Variants in FAM234B observed in about 807,000 individuals in gnomAD.
FAM234B encodes the protein family with sequence similarity 234 member B, also known as protein FAM234B.
Under a neutral mutation model 69.3 loss-of-function variants are expected in FAM234B, and 33 were observed. That is an observed-to-expected ratio of 0.48 (90% confidence interval 0.36 to 0.64). FAM234B has a LOEUF of 0.64. FAM234B is among the 30% of genes least tolerant of loss of function. FAM234B has a pLI of 0.00. For missense variants in FAM234B, 697 were observed against 769.7 expected (o/e 0.91, Z 1.12); for synonymous variants, 306 against 306.9 (o/e 1.00, Z 0.03).
At chr12:13,076,548 T>C (rs1865162410) in intron 11 of FAM234B, among the ~76,000 whole-genome samples, 1 of 152,178 alleles carries the variant, frequency 6.6e-6, no homozygotes, top group South Asian at 2.1e-4. Context: ...AAGGACATGA[T>C]GGAGATAGAA....
At chr12:13,077,919 C>T (rs910991459) in intron 11 of FAM234B, among the ~76,000 whole-genome samples, 11 of 152,138 alleles carry the variant, frequency 7.2e-5, no homozygotes, top group African/African-American at 2.7e-4. Flanking sequence ...TCCACATCCT[C>T]TCCAGCACCT....
rs762750501 is a variant in FAM234B, at chr12:13,055,747, C to T, written c.234C>T (p.Thr78=). 1.9e-6 allele frequency: 3 copies of T among 1,614,062 alleles called. No individual in the cohort carries two copies. The highest frequency in any genetic ancestry group is 2.7e-5 in the African/African-American group (2 of 74,942). The change falls in exon 2 of 13, where the codon ACC becomes ACT. Residue 78 remains threonine, a synonymous_variant. Coordinates refer to ENST00000197268, the MANE Select transcript of FAM234B (RefSeq NM_020853.2). ...EAAKPHLSEV[T]TEGYPSEPLG... is the part of the protein sequence containing the mutation. ...CAAAGCCACATCTTTCAGAAGTCAC[C>T]ACGGAGGGCTACCCCTCAGAACCCC...
At chr12:13,078,240 G>GT (rs1865183924) in intron 11 of FAM234B, among the ~76,000 whole-genome samples, 1 of 151,924 alleles carries the variant, frequency 6.6e-6, no homozygotes, top group Non-Finnish European at 1.5e-5. Flanking sequence ...TCTGATGGTA[G>GT]TTTCTTTTGC....
intron 11 of FAM234B, among the ~76,000 whole-genome samples, chr12:13,077,517 C>A (rs545408504): frequency 8.1e-5 from 12 of 148,302 alleles, no homozygotes; most frequent in Non-Finnish European, 1.6e-4. Flanking sequence ...TGAGAACATG[C>A]GGTGTTTGGT....
chr12:13,064,883 A>G (rs1865021356), intron 5 of FAM234B, among the ~76,000 whole-genome samples: 2 of 152,322 alleles, frequency 1.3e-5, no homozygotes, highest in South Asian at 2.1e-4. Context: ...ATCTGGGTTT[A>G]GAGTGAAGTG....
intron 1 of FAM234B, among the ~76,000 whole-genome samples, chr12:13,050,766 G>A (rs1056952199): frequency 2.0e-5 from 3 of 152,016 alleles, no homozygotes; most frequent in African/African-American, 7.3e-5. Context: ...ATTGATGTGA[G>A]GATTAAATGA....
At position 13,067,089 on chromosome 12, in the gene FAM234B, A is replaced by C; in HGVS notation, c.1001-66A>C. On this transcript the variant is annotated intron_variant, in intron 6 of 12. Coordinates refer to ENST00000197268, the MANE Select transcript of FAM234B (RefSeq NM_020853.2). The surrounding 1 kb of genome is among the most constrained non-coding windows in gnomAD (Gnocchi z 4.7). ...TGGTCAGGCTCTGTGTCTCTTGCTC[A>C]GATCCTCACCATGGGACAGTTCTGT... 6.3e-7 allele frequency: 1 copy of C among 1,588,192 alleles called. No individual in the cohort carries two copies. Among genetic ancestry groups the C allele is most frequent in the Non-Finnish European group, 8.6e-7 (1 of 1,159,934 alleles).
chr12:13,044,915 C>A lies in FAM234B; in HGVS notation c.37+475C>A, dbSNP rs867267415. 6.6e-5 allele frequency among the ~76,000 whole-genome samples: 10 copies of A among 152,192 alleles called. No homozygotes were observed. The South Asian group carries it at 1.5e-3, about 22-fold the overall frequency. On this transcript the variant is annotated intron_variant, in intron 1 of 12. Coordinates refer to ENST00000197268, the MANE Select transcript of FAM234B (RefSeq NM_020853.2). This position sits in a 1 kb window ranked among gnomAD's most constrained non-coding sequence, Gnocchi z 5.6. ...CGACGCATCCATGAGGCAGGTGGGA[C>A]AGGTATTTACGTCCCTTCCTAGTTT...
chr12:13,066,574 A>G (rs1591599980), intron 5 of FAM234B, 66 bp from the exon 6 acceptor site: 1 of 1,508,112 alleles, frequency 6.6e-7, no homozygotes, highest in South Asian at 1.3e-5. Context: ...GACTGTCTGG[A>G]GAAGCCATTT....
intron 10 of FAM234B, 66 bp downstream of exon 10, chr12:13,071,462 G>A: frequency 7.1e-7 from 1 of 1,412,124 alleles, no homozygotes. Context: ...AGGGCTGACT[G>A]TGTTCTGGAG....
intron 5 of FAM234B, among the ~76,000 whole-genome samples, chr12:13,064,652 C>A (rs1482131624): frequency 2.0e-5 from 3 of 152,142 alleles, no homozygotes; most frequent in Non-Finnish European, 4.4e-5. Flanking sequence ...ACAGCTAGGG[C>A]ATAGTCTCAG....
intron 4 of FAM234B, among the ~76,000 whole-genome samples, chr12:13,062,012 C>T (rs1185236209): frequency 6.6e-6 from 1 of 152,138 alleles, no homozygotes; most frequent in Non-Finnish European, 1.5e-5. Flanking sequence ...TACCCTGAGG[C>T]CTTTGGTGTG....
In FAM234B at chr12:13,067,765, A is replaced by G. The variant is rs1865056106; in HGVS notation, c.1142+469A>G. Among the ~76,000 whole-genome samples the G allele has an allele frequency of 6.6e-6, 1 of 152,250 alleles. No homozygotes were observed. The highest frequency in any genetic ancestry group is 1.5e-5 in the Non-Finnish European group (1 of 68,034). ...TTGTCACATGCAGGGGATTTTACCC[A>G]TTTAACCCCAAGCCTGGCTAATAAT... On this transcript the variant is annotated intron_variant, in intron 7 of 12. Transcript: ENST00000197268. This position sits in a 1 kb window ranked among gnomAD's most constrained non-coding sequence, Gnocchi z 4.7.
At chr12:13,075,270 A>C (rs1260121563) in intron 10 of FAM234B, among the ~76,000 whole-genome samples, 1 of 152,152 alleles carries the variant, frequency 6.6e-6, no homozygotes, top group African/African-American at 2.4e-5. Flanking sequence ...AGTGAAAGGA[A>C]ATATCTTTGG....
intron 3 of FAM234B, among the ~76,000 whole-genome samples, chr12:13,060,627 G>A (rs1036375791): frequency 6.6e-6 from 1 of 152,178 alleles, no homozygotes; most frequent in Non-Finnish European, 1.5e-5. Flanking sequence ...GAAACAGCCA[G>A]CCATTGTTTG....
intron 3 of FAM234B, among the ~76,000 whole-genome samples, chr12:13,060,752 T>C (rs902946205): frequency 7.9e-5 from 12 of 152,238 alleles, no homozygotes; most frequent in South Asian, 2.1e-4. Flanking sequence ...GGGAACTGTA[T>C]GAAATGAGTC....
chr12:13,064,532 C>A (rs1000440455), intron 5 of FAM234B, among the ~76,000 whole-genome samples: 1 of 152,160 alleles, frequency 6.6e-6, no homozygotes, highest in East Asian at 1.9e-4. Flanking sequence ...GAGGTCTCCA[C>A]TGGAGGAAGT....
rs1213554932 is a variant in FAM234B, at chr12:13,083,104, C to T, written c.*2474C>T. 1 of 152,266 alleles carries T rather than the reference C, an allele frequency of 6.6e-6. No individual in the cohort carries two copies. The highest frequency in any genetic ancestry group is 1.5e-5 in the Non-Finnish European group (1 of 68,032). 9.4% of individuals were successfully genotyped at this position (152,266 alleles called of 1,614,324 possible). A position where few individuals can be genotyped will look rare whatever the true frequency, so the allele number is the denominator to read the frequency against. ...GAAATGTGTCCCTAAGCCTCCTTCT[C>T]CTTGCAGGCAGCCACCCACCCAGGT... On this transcript the variant is annotated 3_prime_UTR_variant, in exon 13 of 13. Coordinates refer to ENST00000197268, the MANE Select transcript of FAM234B (RefSeq NM_020853.2).
intron 11 of FAM234B, among the ~76,000 whole-genome samples, chr12:13,077,940 GAC>G (rs1368665155): frequency 3.3e-5 from 5 of 151,876 alleles, no homozygotes; most frequent in Non-Finnish European, 7.4e-5. Context: ...GTTGTTTCCT[GAC>G]TTTTTAATGA....
Sources: allele counts gnomAD v4.1 joint callset (sites outside exome capture counted in the v4.1 genomes callset), GRCh38; gene constraint gnomAD v4.1.1; non-coding constraint Gnocchi (gnomAD v3.1); transcripts MANE v1.5; gene names NCBI Gene and HGNC (gene_info 2026-07-23, HGNC 2026-07-21).